The following KCNQ1 variants were observed in gnomAD, a reference collection of about 807,000 sequenced individuals.
KCNQ1 encodes the protein potassium voltage-gated channel subfamily KQT member 1.
In KCNQ1, 49 loss-of-function variants were observed where a neutral mutation model predicts 72.4. The observed-to-expected ratio is 0.68, with a 90% confidence interval of 0.54 to 0.86. The LOEUF (loss-of-function observed/expected upper bound fraction) is 0.86, where lower values mean the gene tolerates loss of function less well. KCNQ1 is among the 40% of genes least tolerant of loss of function. KCNQ1 has a pLI of 0.00. For missense variants in KCNQ1, 790 were observed against 945.1 expected, an observed-to-expected ratio of 0.84 and a Z score of 2.15; for synonymous variants, 450 against 412.6, an observed-to-expected ratio of 1.09 and a Z score of -1.10.
In KCNQ1 at chr11:2,828,131, C is replaced by T. The variant is rs1847875981; in HGVS notation, c.1795-19636C>T. Among the ~76,000 whole-genome samples the T allele has an allele frequency of 6.6e-6, 1 of 152,210 alleles. No homozygotes were observed. The highest frequency in any genetic ancestry group is 2.4e-5 in the African/African-American group (1 of 41,448). ...AGCCGGGACTCAGAGGAGGCAGCCA[C>T]GTGCAGAAAGGCACCCATGGGAACA... On this transcript the variant is annotated intron_variant, in intron 15 of 15. Coordinates refer to ENST00000155840, the MANE Select transcript of KCNQ1 (RefSeq NM_000218.3). This position sits in a 1 kb window ranked among gnomAD's most constrained non-coding sequence, Gnocchi z 5.3.
At chr11:2,741,472 C>A (rs1273320513) in intron 11 of KCNQ1, among the ~76,000 whole-genome samples, 4 of 152,156 alleles carry the variant, frequency 2.6e-5, no homozygotes, top group Non-Finnish European at 2.9e-5. Context: ...CCCAGTGTGA[C>A]CCCTGTCCAC....
chr11:2,510,436 G>A (rs1395699532), intron 1 of KCNQ1, among the ~76,000 whole-genome samples: 5 of 151,778 alleles, frequency 3.3e-5, no homozygotes, highest in South Asian at 2.1e-4. Context: ...GTGAAACCCC[G>A]TCTCTACTAA....
rs2741960 is a variant in KCNQ1 at position 2,494,575 on chromosome 11, A to G, written c.387-33353A>G. ...GCATGAAGGGATGTTGAATTTTGTC[A>G]AAGGCTTTTTCTGCATCTATTGAGA... On this transcript the variant is annotated intron_variant, in intron 1 of 15. Coordinates refer to ENST00000155840, the MANE Select transcript of KCNQ1 (RefSeq NM_000218.3). The surrounding 1 kb of genome is among the most constrained non-coding windows in gnomAD (Gnocchi z 4.6). 0.81 allele frequency among the ~76,000 whole-genome samples: 122,351 copies of G among 151,712 alleles called. 49,436 individuals are homozygous for G. The highest frequency in any genetic ancestry group is 0.86 in the African/African-American group (35,740 of 41,376).
In KCNQ1 at chr11:2,772,700, C is replaced by T. The variant is rs920464550; in HGVS notation, c.1591-3260C>T. 3.9e-5 allele frequency among the ~76,000 whole-genome samples: 6 copies of T among 152,186 alleles called. No individual in the cohort carries two copies. Among genetic ancestry groups the T allele is most frequent in the Admixed American group, 6.5e-5 (1 of 15,274 alleles). On this transcript the variant is annotated intron_variant, in intron 12 of 15. Transcript: ENST00000155840. The surrounding 1 kb of genome is among the most constrained non-coding windows in gnomAD (Gnocchi z 6.6). ...GCCCACCCAGCCCTGCTCCTGCAGA[C>T]GTGCACACACTCAGGTACATAATAC... is the stretch of plus-strand genomic sequence containing the variant.
At position 2,669,251 on chromosome 11, in the gene KCNQ1, C is replaced by A; in HGVS notation, c.1514+7170C>A. ...CTGCTGGCTCTGGCTGCTTCTCCTT[C>A]CCCATCACTGGCTTTGCTGTCTTTG... On this transcript the variant is annotated intron_variant, in intron 11 of 15. Coordinates refer to ENST00000155840, the MANE Select transcript of KCNQ1 (RefSeq NM_000218.3). The surrounding 1 kb of genome is among the most constrained non-coding windows in gnomAD (Gnocchi z 5.6). The A allele has an allele frequency of 2.5e-6, 1 of 398,734 alleles. No individual in the cohort carries two copies. The allele number at this position is 398,734 out of a possible 1,614,324, so 24.7% of individuals were successfully genotyped here.
Position 2,571,306 on chromosome 11 carries a change from C to T in KCNQ1, c.605-19C>T. 1 of 1,608,176 alleles carries T rather than the reference C, an allele frequency of 6.2e-7. No individual in the cohort carries two copies. Among genetic ancestry groups the T allele is most frequent in the South Asian group, 1.1e-5 (1 of 90,978 alleles). On this transcript the variant is annotated intron_variant, in intron 3 of 15. Transcript: ENST00000155840. ...GCTGTGGCGATCACGAAAAGCTCCC[C>T]CTCTCCTGCACTCCACAGACCTCAT...
intron 2 of KCNQ1, among the ~76,000 whole-genome samples, chr11:2,533,823 T>G (rs904111531): frequency 3.9e-5 from 6 of 152,132 alleles, no homozygotes; most frequent in African/African-American, 1.4e-4. Context: ...TTTGTCAAAC[T>G]CCACACAAAG....
intron 6 of KCNQ1, among the ~76,000 whole-genome samples, chr11:2,576,698 G>A (rs1183389528): frequency 1.3e-5 from 2 of 152,280 alleles, no homozygotes; most frequent in African/African-American, 4.8e-5. Context: ...GGCGGGGCAA[G>A]GCCAGAAGGG....
At chr11:2,838,080 T>C (rs540184784) in intron 15 of KCNQ1, among the ~76,000 whole-genome samples, 41 of 152,284 alleles carry the variant, frequency 2.7e-4, no homozygotes, top group Non-Finnish European at 5.0e-4. Context: ...CCGTCCCAAA[T>C]TCAGGAATAT....
At chr11:2,578,310 AG>A (rs1848451426) in intron 6 of KCNQ1, among the ~76,000 whole-genome samples, 1 of 152,232 alleles carries the variant, frequency 6.6e-6, no homozygotes, top group African/African-American at 2.4e-5. Context: ...CCACGGTGCC[AG>A]CCCAGCCTTG....
In KCNQ1 at chr11:2,520,374, T is replaced by C. The variant is rs552554718; in HGVS notation, c.387-7554T>C. On this transcript the variant is annotated intron_variant, in intron 1 of 15. Coordinates refer to ENST00000155840, the MANE Select transcript of KCNQ1 (RefSeq NM_000218.3). ...TGGGGCCCTCGGTGTGGGCCAGGGC[T>C]CACCCCTTTGGGAGGGGTCGGGAGA... Among the ~76,000 whole-genome samples, 22 of 152,280 alleles carry C rather than the reference T, an allele frequency of 1.4e-4. No homozygotes were observed. The South Asian group carries it at 4.4e-3, about 30-fold the overall frequency.
At position 2,659,887 on chromosome 11, in the gene KCNQ1, A is replaced by T. The variant is rs1479385212; in HGVS notation, c.1394-2074A>T. 5.0e-6 allele frequency: 2 copies of T among 398,184 alleles called. No individual in the cohort carries two copies. Among genetic ancestry groups the T allele is most frequent in the Non-Finnish European group, 8.9e-6 (2 of 225,954 alleles). 24.7% of individuals were successfully genotyped at this position (398,184 alleles called of 1,614,324 possible). On this transcript the variant is annotated intron_variant, in intron 10 of 15. Coordinates refer to ENST00000155840, the MANE Select transcript of KCNQ1 (RefSeq NM_000218.3). The surrounding 1 kb of genome is among the most constrained non-coding windows in gnomAD (Gnocchi z 4.3). ...ATTTATAATCCATTTTTAAAATTGG[A>T]TTGTTCACTTTATTGTCAAGTTGTA...
chr11:2,458,905 T>C lies in KCNQ1; in HGVS notation c.386+13421T>C, dbSNP rs1260808794. Among the ~76,000 whole-genome samples the C allele has an allele frequency of 6.6e-6, 1 of 152,222 alleles. No homozygotes were observed. The highest frequency in any genetic ancestry group is 2.4e-5 in the African/African-American group (1 of 41,448). ...TCACCTATCCACCAATTGTGACATA[T>C]GGCCTTAGTTAGGTCCTCAATAAAT... On this transcript the variant is annotated intron_variant, in intron 1 of 15. Coordinates refer to ENST00000155840, the MANE Select transcript of KCNQ1 (RefSeq NM_000218.3). This position sits in a 1 kb window ranked among gnomAD's most constrained non-coding sequence, Gnocchi z 4.6.
At position 2,673,152 on chromosome 11, in the gene KCNQ1, C is replaced by T. The variant is rs1310923451; in HGVS notation, c.1514+11071C>T. 2.5e-6 allele frequency: 1 copy of T among 398,554 alleles called. No individual in the cohort carries two copies. The highest frequency in any genetic ancestry group is 2.1e-5 in the African/African-American group (1 of 48,598). 24.7% of individuals were successfully genotyped at this position (398,554 alleles called of 1,614,324 possible). A position where few individuals can be genotyped will look rare whatever the true frequency, so the allele number is the denominator to read the frequency against. On this transcript the variant is annotated intron_variant, in intron 11 of 15. Transcript: ENST00000155840. The surrounding 1 kb of genome is among the most constrained non-coding windows in gnomAD (Gnocchi z 4.5). ...GGCAGGGGTGCTGACCATCCCTGACCCAAGCACGAGGATCAGAATGGGCCC... is the reference window on the plus strand; with the variant it reads ...GGCAGGGGTGCTGACCATCCCTGACTCAAGCACGAGGATCAGAATGGGCCC...
At position 2,486,544 on chromosome 11, in the gene KCNQ1, T is replaced by G. The variant is rs1158964744; in HGVS notation, c.386+41060T>G. On this transcript the variant is annotated intron_variant, in intron 1 of 15. Coordinates refer to ENST00000155840, the MANE Select transcript of KCNQ1 (RefSeq NM_000218.3). The surrounding 1 kb of genome is among the most constrained non-coding windows in gnomAD (Gnocchi z 5.0). ...TTTGTTTTGTTGCCTGTGCCTTTGG[T>G]CTTTGTGTTAGTCCATTTAGCATTG... Among the ~76,000 whole-genome samples, 2 of 152,166 alleles carry G rather than the reference T, an allele frequency of 1.3e-5. No homozygotes were observed. Among genetic ancestry groups the G allele is most frequent in the African/African-American group, 2.4e-5 (1 of 41,420 alleles).
intron 11 of KCNQ1, among the ~76,000 whole-genome samples, chr11:2,728,892 CAG>C (rs1845807350): frequency 6.6e-6 from 1 of 152,256 alleles, no homozygotes; most frequent in Admixed American, 6.5e-5. Context: ...TCTGTGCAGT[CAG>C]GGGTTTGAAG....
At position 2,516,029 on chromosome 11, in the gene KCNQ1, C is replaced by A. The variant is rs528790573; in HGVS notation, c.387-11899C>A. ...TCCTCACTGAGCCCCTGGGCCTATC[C>A]GCCCACGCCCAGGCCAGGGCTCCTG... is the stretch of plus-strand genomic sequence containing the variant. On this transcript the variant is annotated intron_variant, in intron 1 of 15. Coordinates refer to ENST00000155840, the MANE Select transcript of KCNQ1 (RefSeq NM_000218.3). This position sits in a 1 kb window ranked among gnomAD's most constrained non-coding sequence, Gnocchi z 7.0. Among the ~76,000 whole-genome samples, 1 of 152,006 alleles carries A rather than the reference C, an allele frequency of 6.6e-6. No individual in the cohort carries two copies. Among genetic ancestry groups the A allele is most frequent in the African/African-American group, 2.4e-5 (1 of 41,370 alleles).
chr11:2,457,323 G>A lies in KCNQ1; in HGVS notation c.386+11839G>A, dbSNP rs113019243. Among the ~76,000 whole-genome samples the A allele has an allele frequency of 2.1e-3, 325 of 152,250 alleles. 2 individuals are homozygous for A. Among genetic ancestry groups the A allele is most frequent in the African/African-American group, 7.2e-3 (298 of 41,522 alleles). On this transcript the variant is annotated intron_variant, in intron 1 of 15. Transcript: ENST00000155840. This position sits in a 1 kb window ranked among gnomAD's most constrained non-coding sequence, Gnocchi z 5.0. ...GTTTATACCCAAAGAAAAATTAGTCGTTCTACCAAAAAGACATATGCACCT... is the reference window on the plus strand; with the variant it reads ...GTTTATACCCAAAGAAAAATTAGTCATTCTACCAAAAAGACATATGCACCT...
chr11:2,646,226 C>T, intron 10 of KCNQ1: 1 of 398,636 alleles, frequency 2.5e-6, no homozygotes, highest in Non-Finnish European at 4.4e-6. Context: ...CCAGATGCCT[C>T]TAGTCAGCCA....
Sources: gnomAD v4.1 joint callset for allele counts (sites outside exome capture counted in the v4.1 genomes callset) on GRCh38, gnomAD v4.1.1 for gene constraint, Gnocchi (gnomAD v3.1) non-coding constraint, MANE v1.5 for transcripts, NCBI Gene and HGNC (gene_info 2026-07-23, HGNC 2026-07-21) for gene names.